RBFOX1: variants seen among roughly 807,000 people sequenced by gnomAD.
RBFOX1 encodes the protein RNA binding protein fox-1 homolog 1.
RBFOX1 carries 8 observed loss-of-function variants against 57.7 expected under a neutral mutation model. That is an observed-to-expected ratio of 0.14 (90% confidence interval 0.08 to 0.25). The LOEUF is 0.25. Ranked by LOEUF, RBFOX1 falls within the 10% of genes least tolerant of loss-of-function variation. RBFOX1 has a pLI of 1.00. For synonymous variants in RBFOX1, 326 were observed against 222.4 expected, an observed-to-expected ratio of 1.47 and a Z score of -4.15; for missense variants, 611 against 548.5, an observed-to-expected ratio of 1.11 and a Z score of -1.14.
chr16:6,546,355 G>T (rs533494200), intron 2 of RBFOX1, among the ~76,000 whole-genome samples: 14 of 152,306 alleles, frequency 9.2e-5, no homozygotes, highest in Middle Eastern at 3.4e-3. Flanking sequence ...CACAAACTGG[G>T]TGGCTAAAAA....
At chr16:5,968,888 A>T (rs2059904904) in intron 4 of RBFOX1, among the ~76,000 whole-genome samples, 1 of 151,440 alleles carries the variant, frequency 6.6e-6, no homozygotes, top group Non-Finnish European at 1.5e-5. Flanking sequence ...TCTTCTTTTT[A>T]TTTATCTCTC....
At chr16:6,688,692 G>C (rs891434735) in intron 3 of RBFOX1, among the ~76,000 whole-genome samples, 1 of 152,110 alleles carries the variant, frequency 6.6e-6, no homozygotes, top group Non-Finnish European at 1.5e-5. Context: ...AGCATGTGCA[G>C]GTTTGTTACA....
intron 2 of RBFOX1, among the ~76,000 whole-genome samples, chr16:5,576,608 G>A (rs1356065855): frequency 6.6e-6 from 1 of 152,022 alleles, no homozygotes; most frequent in African/African-American, 2.4e-5. Context: ...ACGGGAACTA[G>A]GAGAAGTGCC....
chr16:7,388,064 C>T (rs759617027), intron 4 of RBFOX1, among the ~76,000 whole-genome samples: 1 of 151,600 alleles, frequency 6.6e-6, no homozygotes, highest in Non-Finnish European at 1.5e-5. Flanking sequence ...AATTTAAAGG[C>T]ATCCAAAAAA....
At chr16:7,478,545 C>T (rs886780333) in intron 4 of RBFOX1, among the ~76,000 whole-genome samples, 1 of 152,164 alleles carries the variant, frequency 6.6e-6, no homozygotes, top group Non-Finnish European at 1.5e-5. Context: ...CCTTCTAACC[C>T]TGAGGTCCTT....
intron 1 of RBFOX1, among the ~76,000 whole-genome samples, chr16:5,340,736 A>G (rs1341867111): frequency 6.6e-6 from 1 of 152,236 alleles, no homozygotes; most frequent in Admixed American, 6.5e-5. Context: ...AGTGTTTGCC[A>G]TATGCCAAGC....
intron 2 of RBFOX1, among the ~76,000 whole-genome samples, chr16:6,588,113 C>T (rs1054239584): frequency 1.3e-5 from 2 of 151,970 alleles, no homozygotes; most frequent in African/African-American, 4.8e-5. Flanking sequence ...CACCTGTAAT[C>T]CCAGCTACTC....
chr16:6,361,301 G>A (rs1227716380), intron 2 of RBFOX1, among the ~76,000 whole-genome samples: 1 of 152,086 alleles, frequency 6.6e-6, no homozygotes, highest in Non-Finnish European at 1.5e-5. Context: ...AAGAACTTTA[G>A]ACACCAGGAA....
intron 2 of RBFOX1, among the ~76,000 whole-genome samples, chr16:6,505,140 T>C (rs2153190864): frequency 6.6e-6 from 1 of 152,278 alleles, no homozygotes; most frequent in Non-Finnish European, 1.5e-5. Flanking sequence ...TTCACCAGAC[T>C]TGGGGGTTTC....
chr16:5,475,249 TTGCTC>T (rs2069280631), intron 2 of RBFOX1, among the ~76,000 whole-genome samples: 1 of 152,256 alleles, frequency 6.6e-6, no homozygotes, highest in African/African-American at 2.4e-5. Flanking sequence ...TCTCTGTTCT[TTGCTC>T]TGTAGAGTCT....
In RBFOX1 at chr16:6,044,971, G is replaced by A. The variant is rs11642793; in HGVS notation, c.-127+24979G>A. On this transcript the variant is annotated intron_variant, in intron 1 of 15. Coordinates refer to ENST00000550418, the MANE Select transcript of RBFOX1 (RefSeq NM_018723.4). ...ATGTCAGTGGCTCTCACTATTGACTGCTCATTAGAATACAGGAAGAAGTTT... is the reference window on the plus strand; with the variant it reads ...ATGTCAGTGGCTCTCACTATTGACTACTCATTAGAATACAGGAAGAAGTTT... 3.6e-3 allele frequency among the ~76,000 whole-genome samples: 542 copies of A among 152,298 alleles called. 3 individuals are homozygous for A. Among genetic ancestry groups the A allele is most frequent in the Middle Eastern group, 0.01 (3 of 294 alleles).
intron 3 of RBFOX1, among the ~76,000 whole-genome samples, chr16:6,690,445 A>G (rs2060038310): frequency 1.3e-5 from 2 of 152,208 alleles, no homozygotes; most frequent in South Asian, 2.1e-4. Flanking sequence ...GAAATGCAAA[A>G]TGATTTTGCC....
rs4786833 is a variant in RBFOX1, at chr16:6,183,307, T to G, written c.-126-133688T>G. Among the ~76,000 whole-genome samples, 190 of 151,406 alleles carry G rather than the reference T, an allele frequency of 1.3e-3. 1 individual carries two copies. The highest frequency in any genetic ancestry group is 4.4e-3 in the African/African-American group (182 of 41,258). On this transcript the variant is annotated intron_variant, in intron 1 of 15. Coordinates refer to ENST00000550418, the MANE Select transcript of RBFOX1 (RefSeq NM_018723.4). ...CATCCTGGGTAACAAGGTGAAACCCTGTCTCTACTAAAAATACAAAAAATT... is the reference window on the plus strand; with the variant it reads ...CATCCTGGGTAACAAGGTGAAACCCGGTCTCTACTAAAAATACAAAAAATT...
chr16:6,469,969 A>C (rs750505692), intron 2 of RBFOX1, among the ~76,000 whole-genome samples: 11 of 152,218 alleles, frequency 7.2e-5, no homozygotes, highest in Non-Finnish European at 1.2e-4. Flanking sequence ...TTATGATGTT[A>C]ACTGAGCTCT....
chr16:7,420,263 A>G lies in RBFOX1; in HGVS notation c.28-97884A>G, dbSNP rs554002724. 2.0e-5 allele frequency among the ~76,000 whole-genome samples: 3 copies of G among 152,258 alleles called. No homozygotes were observed. The South Asian group carries it at 6.2e-4, about 32-fold the overall frequency. ...CAGATTGTAAATAGCCTCTCGTCCT[A>G]TTAGATTTTAAGGAAGCTAAGCCCT... On this transcript the variant is annotated intron_variant, in intron 4 of 15. Coordinates refer to ENST00000550418, the MANE Select transcript of RBFOX1 (RefSeq NM_018723.4).
chr16:6,726,654 A>G (rs1362261508), intron 3 of RBFOX1, among the ~76,000 whole-genome samples: 4 of 152,190 alleles, frequency 2.6e-5, no homozygotes, highest in Non-Finnish European at 5.9e-5. Context: ...GTGCATGCCC[A>G]GAGAACTAGC....
At chr16:5,622,130 C>T (rs552450719) in intron 3 of RBFOX1, among the ~76,000 whole-genome samples, 32 of 152,318 alleles carry the variant, frequency 2.1e-4, no homozygotes, top group Non-Finnish European at 2.8e-4. Context: ...TTTTCCCCAA[C>T]GTTCTCAGCA....
chr16:7,020,779 A>C (rs1468562130), intron 3 of RBFOX1, among the ~76,000 whole-genome samples: 1 of 151,994 alleles, frequency 6.6e-6, no homozygotes, highest in African/African-American at 2.4e-5. Flanking sequence ...TCCCACCCAC[A>C]TCCTTAATGT....
At position 6,629,973 on chromosome 16, in the gene RBFOX1, T is replaced by TTTTA. The variant is rs201032968; in HGVS notation, c.-63-24630_-63-24629insTTTA. On this transcript the variant is annotated intron_variant, in intron 2 of 15. Transcript: ENST00000550418. ...TATTTCGGTAGGTTTTTTTTTTTTT[T>TTTTA]AAAAAAAAAAAAGACCATTGCTTTC... 7.9e-3 allele frequency among the ~76,000 whole-genome samples: 1,032 copies of TTTTA among 129,926 alleles called. 5 individuals carry two copies. The highest frequency in any genetic ancestry group is 0.024 in the Middle Eastern group (5 of 210). 85.2% of individuals were successfully genotyped at this position (129,926 alleles called of 152,430 possible). A position where few individuals can be genotyped will look rare whatever the true frequency, so the allele number is the denominator to read the frequency against.
Sources: allele counts gnomAD v4.1 joint callset (sites outside exome capture counted in the v4.1 genomes callset), GRCh38; gene constraint gnomAD v4.1.1; transcripts MANE v1.5; gene names NCBI Gene and HGNC (gene_info 2026-07-23, HGNC 2026-07-21).